The following LPAR1 variants were observed in gnomAD, a reference collection of about 807,000 sequenced individuals.
LPAR1 encodes the protein LPA receptor 1.
A neutral mutation model predicts 23.8 loss-of-function variants in LPAR1; 5 were observed. That is an observed-to-expected ratio of 0.21 (90% CI 0.11 to 0.44). The LOEUF is 0.44. LPAR1 is among the 20% of genes least tolerant of loss of function. The probability of loss-of-function intolerance (pLI) is 0.99; values close to 1 mark genes in which losing one functional copy is unlikely to be tolerated. For synonymous variants in LPAR1, 160 were observed against 164.7 expected (o/e 0.97, Z 0.22); for missense variants, 311 against 482.8 (o/e 0.64, Z 3.33).
intron 2 of LPAR1, among the ~76,000 whole-genome samples, chr9:110,991,691 C>T (rs543887775): frequency 6.6e-6 from 1 of 152,198 alleles, no homozygotes; most frequent in East Asian, 1.9e-4. Context: ...TCACTGCAAC[C>T]TCCGCCTCCC....
chr9:110,975,930 A>C (rs2138552689), intron 2 of LPAR1, among the ~76,000 whole-genome samples: 1 of 152,332 alleles, frequency 6.6e-6, no homozygotes, highest in Non-Finnish European at 1.5e-5. Context: ...GCCAAATACA[A>C]GGGCTAAATG....
chr9:111,006,681 C>T (rs2097223145), intron 2 of LPAR1, among the ~76,000 whole-genome samples: 1 of 151,890 alleles, frequency 6.6e-6, no homozygotes, highest in Admixed American at 6.6e-5. Flanking sequence ...ATCTTTATAG[C>T]ACATAAACAA....
intron 2 of LPAR1, among the ~76,000 whole-genome samples, chr9:111,025,553 A>T (rs375310840): frequency 6.6e-6 from 1 of 152,202 alleles, no homozygotes; most frequent in Non-Finnish European, 1.5e-5. Context: ...TAGTTTAATT[A>T]GATCCCACTT....
chr9:110,991,249 A>G (rs1241914798), intron 2 of LPAR1, among the ~76,000 whole-genome samples: 1 of 152,182 alleles, frequency 6.6e-6, no homozygotes, highest in Non-Finnish European at 1.5e-5. Flanking sequence ...CTGCTTGTCA[A>G]CATACTTTCC....
chr9:110,979,943 A>C (rs1408036279), intron 2 of LPAR1, among the ~76,000 whole-genome samples: 1 of 152,186 alleles, frequency 6.6e-6, no homozygotes, highest in Non-Finnish European at 1.5e-5. Flanking sequence ...TTAGGACTGA[A>C]TGAGTAAAAA....
At chr9:110,924,683 A>G (rs1015505325) in intron 5 of LPAR1, among the ~76,000 whole-genome samples, 1 of 151,994 alleles carries the variant, frequency 6.6e-6, no homozygotes, top group African/African-American at 2.4e-5. Context: ...AAAAAAAAAG[A>G]GGAAATGTGA....
chr9:110,970,019 G>A (rs1229759115), intron 4 of LPAR1, among the ~76,000 whole-genome samples: 2 of 152,142 alleles, frequency 1.3e-5, no homozygotes, highest in African/African-American at 4.8e-5. Context: ...GAGAATTTAC[G>A]AGAGTACACA....
At chr9:110,961,620 A>C (rs2095990138) in intron 4 of LPAR1, among the ~76,000 whole-genome samples, 1 of 100,112 alleles carries the variant, frequency 1.0e-5, no homozygotes, top group African/African-American at 5.1e-5. Context: ...ACTATCTCAA[A>C]AAAAAAAAAA....
rs2078805159 is a variant in LPAR1 at position 110,875,224 on chromosome 9, G to A, written c.*197C>T. 9.9e-6 allele frequency: 5 copies of A among 507,088 alleles called. No homozygotes were observed. The South Asian group carries it at 1.8e-4, about 19-fold the overall frequency. 31.4% of individuals were successfully genotyped at this position (507,088 alleles called of 1,614,324 possible). A position where few individuals can be genotyped will look rare whatever the true frequency, so the allele number is the denominator to read the frequency against. On this transcript the variant is annotated 3_prime_UTR_variant, in exon 6 of 6. Coordinates refer to ENST00000683809, the MANE Select transcript of LPAR1 (RefSeq NM_001351411.2). ...TCAGAAGGGATGGGGATCAAGATGA[G>A]GGTTGTCACATAAGCTAATTTTCAA...
chr9:111,015,296 T>C (rs1410876908), intron 2 of LPAR1, among the ~76,000 whole-genome samples: 6 of 152,182 alleles, frequency 3.9e-5, no homozygotes, highest in Admixed American at 3.3e-4. Context: ...AACGGTATTG[T>C]CATCCATTCA....
At position 111,034,707 on chromosome 9, in the gene LPAR1, G is replaced by A. The variant is rs565963055; in HGVS notation, c.-182+1415C>T. ...AAAGCCCAGTCCTCCATCCATCATC[G>A]CACCCCTCACTCTGCCCCAATATGT... On this transcript the variant is annotated intron_variant, in intron 2 of 5. Coordinates refer to ENST00000683809, the MANE Select transcript of LPAR1 (RefSeq NM_001351411.2). 6.6e-5 allele frequency among the ~76,000 whole-genome samples: 10 copies of A among 152,098 alleles called. No individual in the cohort carries two copies. The South Asian group carries it at 1.5e-3, about 22-fold the overall frequency.
At chr9:110,906,588 T>C (rs1201898045) in intron 5 of LPAR1, among the ~76,000 whole-genome samples, 2 of 152,132 alleles carry the variant, frequency 1.3e-5, no homozygotes, top group South Asian at 2.1e-4. Context: ...GGTAGAATAT[T>C]TTTTCATATT....
chr9:110,969,217 A>G (rs1460200586), intron 4 of LPAR1, among the ~76,000 whole-genome samples: 1 of 152,144 alleles, frequency 6.6e-6, no homozygotes, highest in African/African-American at 2.4e-5. Flanking sequence ...GGGCAATATA[A>G]CTATGTTAAG....
intron 2 of LPAR1, among the ~76,000 whole-genome samples, chr9:110,984,150 T>C (rs1303894443): frequency 6.6e-6 from 1 of 151,970 alleles, no homozygotes; most frequent in Non-Finnish European, 1.5e-5. Context: ...TTAACTATTA[T>C]AAAATGTACA....
rs542437253 is a variant in LPAR1 at position 110,923,023 on chromosome 9, T to C, written c.793+18398A>G. On this transcript the variant is annotated intron_variant, in intron 5 of 5. Coordinates refer to ENST00000683809, the MANE Select transcript of LPAR1 (RefSeq NM_001351411.2). ...ACCCCCAACAGGCCCCAGTGTGTGATATTCTCCTCTCTGTGTCCATGCTTT... is the reference window on the plus strand; with the variant it reads ...ACCCCCAACAGGCCCCAGTGTGTGACATTCTCCTCTCTGTGTCCATGCTTT... 3.4e-3 allele frequency among the ~76,000 whole-genome samples: 518 copies of C among 151,906 alleles called. 1 individual carries two copies. Among genetic ancestry groups the C allele is most frequent in the African/African-American group, 0.012 (495 of 41,424 alleles).
intron 2 of LPAR1, among the ~76,000 whole-genome samples, chr9:110,992,847 G>A (rs549334765): frequency 6.6e-6 from 1 of 152,192 alleles, no homozygotes; most frequent in African/African-American, 2.4e-5. Context: ...ATGACATGAG[G>A]GAAGGATTTC....
intron 5 of LPAR1, among the ~76,000 whole-genome samples, chr9:110,910,470 G>T (rs1000232611): frequency 6.6e-6 from 1 of 152,110 alleles, no homozygotes; most frequent in African/African-American, 2.4e-5. Context: ...ACATGTACAG[G>T]GATATTAATG....
intron 4 of LPAR1, among the ~76,000 whole-genome samples, chr9:110,967,065 C>T (rs2096251316): frequency 6.6e-6 from 1 of 152,192 alleles, no homozygotes; most frequent in Non-Finnish European, 1.5e-5. Flanking sequence ...GAACAGGTTC[C>T]TGTCTGCAAA....
intron 2 of LPAR1, among the ~76,000 whole-genome samples, chr9:110,980,020 G>A (rs554965252): frequency 2.0e-5 from 3 of 152,118 alleles, no homozygotes; most frequent in South Asian, 2.1e-4. Flanking sequence ...ATTTGCAGAA[G>A]AGGAAAAGGA....
Sources: gnomAD v4.1 joint callset for allele counts (sites outside exome capture counted in the v4.1 genomes callset) on GRCh38, gnomAD v4.1.1 for gene constraint, MANE v1.5 for transcripts, NCBI Gene and HGNC (gene_info 2026-07-23, HGNC 2026-07-21) for gene names.